Variants in RBMS3 observed in about 807,000 individuals in gnomAD.
RBMS3 encodes the protein RNA-binding motif, single-stranded-interacting protein 3.
In RBMS3, 27 loss-of-function variants were observed where a neutral mutation model predicts 66.8. That is an observed-to-expected ratio of 0.40 (90% CI 0.30 to 0.56). The LOEUF is 0.56. RBMS3 is among the 20% of genes least tolerant of loss of function. The probability of loss-of-function intolerance (pLI) is 0.40; values close to 1 mark genes in which losing one functional copy is unlikely to be tolerated. For missense variants in RBMS3, 513 were observed against 549.5 expected (o/e 0.93, Z 0.66); for synonymous variants, 188 against 183.0 (o/e 1.03, Z -0.22).
intron 6 of RBMS3, chr3:29,766,097 A>C (rs1235751362): frequency 6.6e-6 from 1 of 152,012 alleles, no homozygotes; most frequent in Non-Finnish European, 1.5e-5. Flanking sequence ...CCTACATTTA[A>C]TATAACTCTA....
At chr3:29,817,101 T>A (rs1437597913) in intron 6 of RBMS3, among the ~76,000 whole-genome samples, 1 of 151,094 alleles carries the variant, frequency 6.6e-6, no homozygotes, top group Non-Finnish European at 1.5e-5. Flanking sequence ...AAAAAATAAA[T>A]AAGGAAAAAA....
intron 3 of RBMS3, among the ~76,000 whole-genome samples, chr3:29,547,911 C>T (rs1290141396): frequency 1.3e-5 from 2 of 149,496 alleles, no homozygotes; most frequent in African/African-American, 4.9e-5. Context: ...TCTCATGTCT[C>T]AGCCTCCTGA....
chr3:29,530,605 T>TA (rs757027905), intron 3 of RBMS3, among the ~76,000 whole-genome samples: 1 of 151,456 alleles, frequency 6.6e-6, no homozygotes, highest in Non-Finnish European at 1.5e-5. Context: ...CTCACTCCTG[T>TA]AATCCCAGCA....
At chr3:29,425,174 T>C (rs1575779067) in intron 1 of RBMS3, among the ~76,000 whole-genome samples, 1 of 120,446 alleles carries the variant, frequency 8.3e-6, no homozygotes, top group East Asian at 2.5e-4. Context: ...AAACACTGTC[T>C]CCACTAAAAA....
intron 1 of RBMS3, among the ~76,000 whole-genome samples, chr3:29,431,365 T>C (rs1410889395): frequency 1.3e-5 from 2 of 148,228 alleles, no homozygotes; most frequent in East Asian, 2.0e-4. Context: ...CAATCTCGGC[T>C]CACTGCAACC....
chr3:29,791,137 T>G (rs2056996829), intron 6 of RBMS3, among the ~76,000 whole-genome samples: 1 of 152,230 alleles, frequency 6.6e-6, no homozygotes, highest in South Asian at 2.1e-4. Flanking sequence ...TTTTTGTTTT[T>G]GTTTTTTAAA....
At chr3:29,783,885 C>T (rs1296593635) in intron 6 of RBMS3, among the ~76,000 whole-genome samples, 1 of 152,030 alleles carries the variant, frequency 6.6e-6, no homozygotes, top group African/African-American at 2.4e-5. Flanking sequence ...CAAAAGTGAG[C>T]AGGAGTAGCT....
intron 1 of RBMS3, among the ~76,000 whole-genome samples, chr3:29,366,430 A>G (rs2037907177): frequency 1.3e-5 from 2 of 152,172 alleles, no homozygotes; most frequent in Non-Finnish European, 2.9e-5. Flanking sequence ...TTTGTTGTCT[A>G]GACTAGAGCA....
At chr3:29,701,462 G>A (rs1406112775) in intron 4 of RBMS3, among the ~76,000 whole-genome samples, 1 of 152,142 alleles carries the variant, frequency 6.6e-6, no homozygotes, top group African/African-American at 2.4e-5. Context: ...TCAGCCTCAG[G>A]GCCCACTCTG....
At chr3:29,445,237 G>C (rs556316677) in intron 2 of RBMS3, among the ~76,000 whole-genome samples, 24 of 152,008 alleles carry the variant, frequency 1.6e-4, no homozygotes, top group Non-Finnish European at 2.9e-4. Context: ...TTTTATCTTA[G>C]ATGCTACATC....
intron 2 of RBMS3, among the ~76,000 whole-genome samples, chr3:29,445,948 C>T (rs1253712104): frequency 6.6e-6 from 1 of 152,028 alleles, no homozygotes; most frequent in African/African-American, 2.4e-5. Context: ...AAATTAAGTG[C>T]ACTCATCATA....
chr3:29,645,040 C>A (rs1429500749), intron 4 of RBMS3, among the ~76,000 whole-genome samples: 1 of 152,156 alleles, frequency 6.6e-6, no homozygotes, highest in Non-Finnish European at 1.5e-5. Context: ...ATAGCAAAGA[C>A]TTTTAATGAT....
Position 30,003,859 on chromosome 3 carries a change from A to T in RBMS3, c.1311A>T (p.Pro437=). ...TCTTATTCAATTGTTTTCACAGACC[A>T]TAAACAGGACTGAAGAATGTCTGTC... is the stretch of plus-strand genomic sequence containing the variant. ...APAYSYQQSK[P] The change falls in exon 15 of 15, where the codon CCA becomes CCT. Residue 437 remains proline (P), a synonymous_variant. Coordinates refer to ENST00000383767, the MANE Select transcript of RBMS3 (RefSeq NM_001003793.3). 6.9e-7 allele frequency: 1 copy of T among 1,455,800 alleles called. No homozygotes were observed. Among genetic ancestry groups the T allele is most frequent in the Non-Finnish European group, 9.1e-7 (1 of 1,098,528 alleles). 90.2% of individuals were successfully genotyped at this position (1,455,800 alleles called of 1,614,324 possible). A position where few individuals can be genotyped will look rare whatever the true frequency, so the allele number is the denominator to read the frequency against.
chr3:29,553,947 T>C (rs982656143), intron 3 of RBMS3, among the ~76,000 whole-genome samples: 3 of 152,184 alleles, frequency 2.0e-5, no homozygotes, highest in African/African-American at 7.2e-5. Flanking sequence ...TGTTTGAACA[T>C]TTTATAATTA....
chr3:29,380,097 G>C (rs963920059), intron 1 of RBMS3, among the ~76,000 whole-genome samples: 1 of 152,026 alleles, frequency 6.6e-6, no homozygotes, highest in African/African-American at 2.4e-5. Flanking sequence ...AGGAAAATTT[G>C]TGGCTTTTAT....
intron 1 of RBMS3, among the ~76,000 whole-genome samples, chr3:29,341,111 A>G (rs2036255775): frequency 6.6e-6 from 1 of 152,104 alleles, no homozygotes; most frequent in South Asian, 2.1e-4. Flanking sequence ...AATATGAAAA[A>G]TCCCTGTATT....
chr3:29,523,876 A>T (rs767527506), intron 3 of RBMS3, among the ~76,000 whole-genome samples: 1 of 152,102 alleles, frequency 6.6e-6, no homozygotes, highest in Non-Finnish European at 1.5e-5. Flanking sequence ...CTGGGATTAC[A>T]GAAATTTGCC....
At position 29,576,375 on chromosome 3, in the gene RBMS3, G is replaced by A. The variant is rs180730317; in HGVS notation, c.308-10739G>A. On this transcript the variant is annotated intron_variant, in intron 3 of 14. Coordinates refer to ENST00000383767, the MANE Select transcript of RBMS3 (RefSeq NM_001003793.3). ...AACTGGAGGTGTGGTGATGCACTGG[G>A]ATTGACCCAGTGTGGTTCCTGTGGC... Among the ~76,000 whole-genome samples, 27 of 152,234 alleles carry A rather than the reference G, an allele frequency of 1.8e-4. No individual in the cohort carries two copies. In the East Asian group the frequency reaches 4.9e-3, roughly 27 times the overall value.
At chr3:29,736,401 A>C (rs1041385061) in intron 4 of RBMS3, among the ~76,000 whole-genome samples, 2 of 152,234 alleles carry the variant, frequency 1.3e-5, no homozygotes, top group Non-Finnish European at 2.9e-5. Context: ...ATGGTACACC[A>C]TTTTGAGCAG....
Sources: allele counts gnomAD v4.1 joint callset (sites outside exome capture counted in the v4.1 genomes callset), GRCh38; gene constraint gnomAD v4.1.1; transcripts MANE v1.5; gene names NCBI Gene and HGNC (gene_info 2026-07-23, HGNC 2026-07-21).